The following ZNF516 variants were observed in gnomAD, a reference collection of about 807,000 sequenced individuals.
ZNF516 encodes zinc finger protein 516.
In ZNF516, 19 loss-of-function variants were observed where a neutral mutation model predicts 79.7. That is an observed-to-expected ratio of 0.24 (90% CI 0.17 to 0.35). The LOEUF is 0.35. Among genes scored for constraint, ZNF516 ranks in the 10% least tolerant of loss-of-function variants. The probability of loss-of-function intolerance (pLI) is 1.00; values close to 1 mark genes in which losing one functional copy is unlikely to be tolerated. For missense variants in ZNF516, 1,678 were observed against 1,679.5 expected (o/e 1.00, Z 0.02); for synonymous variants, 877 against 739.5 (o/e 1.19, Z -3.02).
chr18:76,416,635 T>C (rs905140325), intron 3 of ZNF516, among the ~76,000 whole-genome samples: 4 of 152,240 alleles, frequency 2.6e-5, no homozygotes, highest in African/African-American at 9.6e-5. Flanking sequence ...GAAACATCTC[T>C]GAATAGTCAA....
chr18:76,449,848 A>G (rs1413889737), intron 2 of ZNF516, among the ~76,000 whole-genome samples: 1 of 152,218 alleles, frequency 6.6e-6, no homozygotes, highest in Non-Finnish European at 1.5e-5. Context: ...CTAAATAGGA[A>G]CACCTCTATA....
chr18:76,434,965 T>C (rs1012417998), intron 3 of ZNF516, among the ~76,000 whole-genome samples: 2 of 152,084 alleles, frequency 1.3e-5, no homozygotes, highest in South Asian at 2.1e-4. Flanking sequence ...TCCAAGCTCA[T>C]GTGCCCTCCA....
At chr18:76,492,986 G>A in intron 1 of ZNF516, 1 of 985,552 alleles carries the variant, frequency 1.0e-6, no homozygotes, top group Non-Finnish European at 1.2e-6. Context: ...GCACGCGCGC[G>A]CTCACACACA....
In ZNF516 at chr18:76,451,326, T is replaced by C. The variant is rs1250079918; in HGVS notation, c.-157-8115A>G. The stretch of plus-strand genomic sequence containing the variant: ...CTTCCGGGGGCGGGGGGGGCACCGA[T>C]GTCAGCCCGGGATGGATGTCCGCGG... On this transcript the variant is annotated intron_variant, in intron 2 of 6. Coordinates refer to ENST00000443185, the MANE Select transcript of ZNF516 (RefSeq NM_014643.4). This position sits in a 1 kb window ranked among gnomAD's most constrained non-coding sequence, Gnocchi z 6.0. Among the ~76,000 whole-genome samples, 1 of 152,036 alleles carries C rather than the reference T, an allele frequency of 6.6e-6. No homozygotes were observed. Among genetic ancestry groups the C allele is most frequent in the African/African-American group, 2.4e-5 (1 of 41,408 alleles).
chr18:76,390,838 C>T (rs1400831595), intron 3 of ZNF516, among the ~76,000 whole-genome samples: 2 of 152,184 alleles, frequency 1.3e-5, no homozygotes, highest in Non-Finnish European at 2.9e-5. Context: ...ACTTCACATC[C>T]ATGACCTGCC....
At position 76,480,700 on chromosome 18, in the gene ZNF516, TTAG is replaced by T. The variant is rs551444473; in HGVS notation, c.-272+14441_-272+14443del. 5.3e-5 allele frequency among the ~76,000 whole-genome samples: 8 copies of T among 152,180 alleles called. No individual in the cohort carries two copies. In the East Asian group the frequency reaches 1.4e-3, roughly 26 times the overall value. On this transcript the variant is annotated intron_variant, in intron 1 of 6. Coordinates refer to ENST00000443185, the MANE Select transcript of ZNF516 (RefSeq NM_014643.4). ...ACCACGCTCAGTTAATTTTGTATTT[TTAG>T]TAGAGATGGGGTTTTGCCATGTTGG...
In ZNF516 at chr18:76,358,800, GAC is replaced by G. The variant is rs2074492022; in HGVS notation, c.*3696_*3697del. 1.3e-5 allele frequency: 2 copies of G among 152,254 alleles called. No homozygotes were observed. The highest frequency in any genetic ancestry group is 4.1e-4 in the South Asian group (2 of 4,826). 9.4% of individuals were successfully genotyped at this position (152,254 alleles called of 1,614,324 possible). ...TAGTTTGAAGGAAGGAATGTTGGTA[GAC>G]AGTCTCCAGCCACGAAAGCCCAGGA... On this transcript the variant is annotated 3_prime_UTR_variant, in exon 7 of 7. Transcript: ENST00000443185.
intron 4 of ZNF516, among the ~76,000 whole-genome samples, chr18:76,373,214 GAAGAA>G (rs1220971397): frequency 6.7e-6 from 1 of 149,036 alleles, no homozygotes; most frequent in Non-Finnish European, 1.5e-5. Context: ...GCAAAGAGAA[GAAGAA>G]AAGAGGAGAG....
chr18:76,494,963 G>A (rs1349537056), intron 1 of ZNF516, among the ~76,000 whole-genome samples, 181 bp downstream of exon 1: 9 of 149,778 alleles, frequency 6.0e-5, no homozygotes, highest in African/African-American at 1.7e-4. Context: ...CACCGGGAAA[G>A]CCAAGTAGCC....
At chr18:76,449,241 C>T (rs1373375802) in intron 2 of ZNF516, among the ~76,000 whole-genome samples, 1 of 152,206 alleles carries the variant, frequency 6.6e-6, no homozygotes, top group Admixed American at 6.5e-5. Context: ...AAACTCTTCA[C>T]CTTGGCTTCT....
intron 2 of ZNF516, among the ~76,000 whole-genome samples, chr18:76,458,791 C>CAT (rs879802293): frequency 1.4e-5 from 2 of 146,064 alleles, no homozygotes; most frequent in African/African-American, 2.6e-5. Flanking sequence ...GCCTCACCGT[C>CAT]GTGCGTGTGC....
chr18:76,421,017 C>T (rs2075499900), intron 3 of ZNF516, among the ~76,000 whole-genome samples: 1 of 152,204 alleles, frequency 6.6e-6, no homozygotes, highest in Admixed American at 6.5e-5. Flanking sequence ...CCCATGATGA[C>T]TGTGATTCTG....
At chr18:76,425,046 G>A (rs1285761595) in intron 3 of ZNF516, among the ~76,000 whole-genome samples, 1 of 151,592 alleles carries the variant, frequency 6.6e-6, no homozygotes, top group Non-Finnish European at 1.5e-5. Flanking sequence ...ACACACACAC[G>A]CAGGTGAAAA....
chr18:76,384,820 C>T (rs1362288119), intron 3 of ZNF516, among the ~76,000 whole-genome samples: 1 of 152,128 alleles, frequency 6.6e-6, no homozygotes, highest in Non-Finnish European at 1.5e-5. Flanking sequence ...ATCTGACAGC[C>T]CCTGGGTGGC....
At chr18:76,396,345 G>A (rs375921457) in intron 3 of ZNF516, among the ~76,000 whole-genome samples, 16 of 152,156 alleles carry the variant, frequency 1.1e-4, no homozygotes, top group South Asian at 2.1e-4. Flanking sequence ...TATATGGCGC[G>A]CAGGGTCACC....
At chr18:76,475,483 T>A (rs56320718) in intron 1 of ZNF516, among the ~76,000 whole-genome samples, 2 of 152,188 alleles carry the variant, frequency 1.3e-5, no homozygotes, top group East Asian at 1.9e-4. Context: ...AAATTCCACC[T>A]CGGGGAACTT....
chr18:76,433,722 G>A lies in ZNF516; in HGVS notation c.1810+7523C>T, dbSNP rs1009979666. On this transcript the variant is annotated intron_variant, in intron 3 of 6. Coordinates refer to ENST00000443185, the MANE Select transcript of ZNF516 (RefSeq NM_014643.4). ...GGGCTGGGCAGAAGGGTGGGAATCC[G>A]TGCGTTAAGCAAACGCCTAGTGAAG... is the stretch of plus-strand genomic sequence containing the variant. Among the ~76,000 whole-genome samples, 12 of 152,316 alleles carry A rather than the reference G, an allele frequency of 7.9e-5. No individual in the cohort carries two copies. In the South Asian group the frequency reaches 1.0e-3, roughly 13 times the overall value.
intron 2 of ZNF516, among the ~76,000 whole-genome samples, chr18:76,446,083 T>G (rs1201983825): frequency 2.8e-5 from 4 of 141,856 alleles, no homozygotes; most frequent in African/African-American, 9.8e-5. Flanking sequence ...CCAGCCCTCA[T>G]GCTCCCAGTC....
chr18:76,368,982 T>C (rs149721954), intron 6 of ZNF516, among the ~76,000 whole-genome samples: 27 of 152,316 alleles, frequency 1.8e-4, no homozygotes, highest in African/African-American at 6.5e-4. Flanking sequence ...TTCCCGCCCC[T>C]GTCAAACATT....
Sources: gnomAD v4.1 joint callset for allele counts (sites outside exome capture counted in the v4.1 genomes callset) on GRCh38, gnomAD v4.1.1 for gene constraint, Gnocchi (gnomAD v3.1) non-coding constraint, MANE v1.5 for transcripts, NCBI Gene and HGNC (gene_info 2026-07-23, HGNC 2026-07-21) for gene names.